SH3GL3: variants seen among roughly 807,000 people sequenced by gnomAD.
SH3GL3 encodes the protein SH3 domain containing GRB2 like 3, endophilin A3, also known as endophilin-A3.
SH3GL3 carries 33 observed loss-of-function variants against 47.7 expected under a neutral mutation model. The observed-to-expected ratio is 0.69, with a 90% CI of 0.52 to 0.92. The LOEUF is 0.92. SH3GL3 is among the 40% of genes least tolerant of loss of function. SH3GL3 has a pLI of 0.00. For synonymous variants in SH3GL3, 155 were observed against 148.8 expected (o/e 1.04, Z -0.30); for missense variants, 363 against 417.8 (o/e 0.87, Z 1.14).
In SH3GL3 at chr15:83,587,028, G is replaced by A; in HGVS notation, c.670G>A (p.Asp224Asn). The change falls in exon 7 of 9, where the codon GAC becomes AAC. Residue 224 changes from aspartate (D) to asparagine (N), a missense_variant. Asp to Asn is a conservative substitution (Grantham distance 23). Coordinates refer to ENST00000427482, the MANE Select transcript of SH3GL3 (RefSeq NM_003027.5). ...QLAVFIEAAL[D>N]YHRQSTEILQ... is the part of the protein sequence containing the mutation. The stretch of plus-strand genomic sequence containing the variant: ...GGCTGTGTTCATAGAGGCAGCATTA[G>A]ACTATCACAGACAGTCCACAGAGAT... The A allele has an allele frequency of 6.2e-7, 1 of 1,611,086 alleles. No individual in the cohort carries two copies.
At chr15:83,511,286 G>A (rs2042735446) in intron 1 of SH3GL3, among the ~76,000 whole-genome samples, 1 of 152,168 alleles carries the variant, frequency 6.6e-6, no homozygotes, top group Admixed American at 6.5e-5. Context: ...AGGACTACAG[G>A]CAGAAGTAGG....
intron 1 of SH3GL3, among the ~76,000 whole-genome samples, chr15:83,493,817 C>T (rs1378691537): frequency 1.3e-5 from 2 of 152,186 alleles, no homozygotes; most frequent in African/African-American, 4.8e-5. Flanking sequence ...GGTTGTGGGC[C>T]TTCTCCTGTA....
chr15:83,579,002 C>T (rs114417834), intron 6 of SH3GL3, among the ~76,000 whole-genome samples: 6 of 152,232 alleles, frequency 3.9e-5, no homozygotes, highest in African/African-American at 1.2e-4. Flanking sequence ...TGGGTTTTTG[C>T]GAAGTGCTCC....
chr15:83,533,599 C>G (rs893788015), intron 1 of SH3GL3, among the ~76,000 whole-genome samples: 4 of 152,284 alleles, frequency 2.6e-5, no homozygotes, highest in African/African-American at 9.6e-5. Flanking sequence ...AAGTTGAATG[C>G]TGACTTGATG....
intron 1 of SH3GL3, among the ~76,000 whole-genome samples, chr15:83,473,724 T>G (rs1287924040): frequency 1.3e-5 from 2 of 151,964 alleles, no homozygotes; most frequent in East Asian, 1.9e-4. Context: ...ATTTTTTGTA[T>G]TTTTAGTAGA....
rs1596279466 is a variant in SH3GL3 at position 83,568,687 on chromosome 15, G to A, written c.331+15G>A. ...CTCCACCTTTGGTGAGTTATTCAGA[G>A]ATCAGCTGGGGGAGCTGAGAACTCC... is the stretch of plus-strand genomic sequence containing the variant. On this transcript the variant is annotated intron_variant, in intron 4 of 8. Transcript: ENST00000427482. 6.2e-7 allele frequency: 1 copy of A among 1,609,250 alleles called. No homozygotes were observed.
chr15:83,526,805 G>A (rs568001915), intron 1 of SH3GL3, among the ~76,000 whole-genome samples: 1 of 152,072 alleles, frequency 6.6e-6, no homozygotes, highest in African/African-American at 2.4e-5. Context: ...ATGTACCCCT[G>A]AACTTAAAAA....
At chr15:83,628,139 C>A in the SH3GL3 span, among the ~76,000 whole-genome samples, 6 of 152,196 alleles carry the variant, frequency 3.9e-5, no homozygotes, top group Admixed American at 3.9e-4. Context: ...GGCTGTGATA[C>A]ACATGCCCAG....
intron 1 of SH3GL3, among the ~76,000 whole-genome samples, chr15:83,455,383 G>A (rs1451853376): frequency 2.2e-4 from 14 of 64,302 alleles, no homozygotes; most frequent in East Asian, 2.1e-3. Context: ...AAGTTCTCCC[G>A]GATAATATCC....
At chr15:83,510,387 G>A (rs1567286767) in intron 1 of SH3GL3, among the ~76,000 whole-genome samples, 2 of 152,218 alleles carry the variant, frequency 1.3e-5, no homozygotes, top group Middle Eastern at 3.4e-3. Flanking sequence ...TATTTCGGGG[G>A]AAAAATTAGC....
chr15:83,468,052 G>T lies in SH3GL3; in HGVS notation c.45+20474G>T, dbSNP rs377234303. 3.3e-5 allele frequency among the ~76,000 whole-genome samples: 5 copies of T among 152,104 alleles called. 2 individuals are homozygous for T. The South Asian group carries it at 1.0e-3, about 32-fold the overall frequency. On this transcript the variant is annotated intron_variant, in intron 1 of 8. Transcript: ENST00000427482. ...TCACCATGTTAGCCAGGATGGTCTC[G>T]ATCTCCTGACCTTGTGATCTGCCCG...
At chr15:83,538,423 G>C (rs2044017547) in intron 1 of SH3GL3, among the ~76,000 whole-genome samples, 1 of 152,182 alleles carries the variant, frequency 6.6e-6, no homozygotes, top group Non-Finnish European at 1.5e-5. Flanking sequence ...TGTACAGTAT[G>C]ATGTATTTTA....
intron 8 of SH3GL3, among the ~76,000 whole-genome samples, chr15:83,610,713 T>TA (rs2060637308): frequency 6.6e-6 from 1 of 152,118 alleles, no homozygotes; most frequent in Non-Finnish European, 1.5e-5. Flanking sequence ...CCTCAATTTC[T>TA]CCATCCCTCA....
At chr15:83,508,269 A>G (rs141286493) in intron 1 of SH3GL3, among the ~76,000 whole-genome samples, 1,739 of 152,138 alleles carry the variant, frequency 0.011, 16 homozygotes, top group Non-Finnish European at 0.015. Flanking sequence ...CGTGGTCACC[A>G]TAGGTCTCAT....
chr15:83,487,442 G>A (rs180896019), intron 1 of SH3GL3, among the ~76,000 whole-genome samples: 1 of 152,052 alleles, frequency 6.6e-6, no homozygotes, highest in Admixed American at 6.6e-5. Flanking sequence ...TGCCTCTTCT[G>A]TTTGGTATGT....
At chr15:83,591,912 A>G in intron 8 of SH3GL3, among the ~76,000 whole-genome samples, 1 of 151,486 alleles carries the variant, frequency 6.6e-6, no homozygotes, top group East Asian at 2.0e-4. Context: ...TGACCTTGTG[A>G]TCCGCCCGCC....
At chr15:83,616,005 A>T (rs2060802531) in intron 8 of SH3GL3, among the ~76,000 whole-genome samples, 1 of 152,190 alleles carries the variant, frequency 6.6e-6, no homozygotes, top group Non-Finnish European at 1.5e-5. Flanking sequence ...TTGTGCATTC[A>T]TGCCAAAACA....
In SH3GL3 at chr15:83,588,633, T is replaced by G. The variant is rs111288388; in HGVS notation, c.729-29T>G. 30 of 1,330,002 alleles carry G rather than the reference T, an allele frequency of 2.3e-5. 2 individuals are homozygous for G. Among genetic ancestry groups the G allele is most frequent in the African/African-American group, 2.0e-4 (14 of 69,506 alleles). The allele number at this position is 1,330,002 out of a possible 1,614,324, so 82.4% of individuals were successfully genotyped here. On this transcript the variant is annotated intron_variant, in intron 7 of 8. Transcript: ENST00000427482. ...TTTGGAAAGCTTTCAACATCAGATG[T>G]CTGGCTCATCTTACGATGTGTGTTA...
At chr15:83,572,347 T>G (rs894070298) in intron 4 of SH3GL3, among the ~76,000 whole-genome samples, 1 of 152,194 alleles carries the variant, frequency 6.6e-6, no homozygotes, top group Admixed American at 6.5e-5. Context: ...CAGTTGTATT[T>G]TCTGTAGTGG....
Sources: gnomAD v4.1 joint callset for allele counts (sites outside exome capture counted in the v4.1 genomes callset) on GRCh38, gnomAD v4.1.1 for gene constraint, MANE v1.5 for transcripts, NCBI Gene and HGNC (gene_info 2026-07-23, HGNC 2026-07-21) for gene names.